Variants in DCLRE1B observed in about 807,000 individuals in gnomAD.
The protein encoded by DCLRE1B is 5' exonuclease Apollo.
Under a neutral mutation model 19.8 loss-of-function variants are expected in DCLRE1B, and 6 were observed. The ratio of observed to expected loss-of-function variants is 0.30; its 90% CI spans 0.17 to 0.60. DCLRE1B has a LOEUF of 0.60. Among genes scored for constraint, DCLRE1B ranks in the 20% least tolerant of loss-of-function variants. The pLI is 0.87. For synonymous variants in DCLRE1B, 258 were observed against 255.7 expected (o/e 1.01, Z -0.09); for missense variants, 622 against 654.2 (o/e 0.95, Z 0.54).
At chr1:113,907,196 G>C in intron 2 of DCLRE1B, 35 bp downstream of exon 2, 8 of 456,938 alleles carry the variant, frequency 1.8e-5, no homozygotes, top group East Asian at 3.7e-5. Context: ...GACTTCTCCA[G>C]ACTAGATGTT....
At chr1:113,905,047 C>G (rs1668816394), upstream of DCLRE1B, 13 of 402,546 alleles carry the variant, frequency 3.2e-5, no homozygotes, top group Non-Finnish European at 6.1e-5. Context: ...ACCCCTCCCT[C>G]TCCAGTTCCA....
intron 3 of DCLRE1B, among the ~76,000 whole-genome samples, chr1:113,908,998 T>C (rs1011277780): frequency 6.6e-6 from 1 of 152,222 alleles, no homozygotes; most frequent in African/African-American, 2.4e-5. Flanking sequence ...CCAAGAGCTA[T>C]TGAAGGATTT....
chr1:113,904,761 C>T (rs756910419), upstream of DCLRE1B: 25 of 1,519,968 alleles, frequency 1.6e-5, no homozygotes, highest in South Asian at 6.7e-5. Flanking sequence ...CCCACGGTAA[C>T]TCGAGGGCTC....
chr1:113,904,764 G>A (rs372091501), upstream of DCLRE1B: 3 of 1,511,994 alleles, frequency 2.0e-6, no homozygotes, highest in Non-Finnish European at 1.8e-6. Context: ...ACGGTAACTC[G>A]AGGGCTCCTT....
chr1:113,908,872 T>A (rs997921493), intron 3 of DCLRE1B, among the ~76,000 whole-genome samples: 1 of 152,070 alleles, frequency 6.6e-6, no homozygotes, highest in African/African-American at 2.4e-5. Context: ...ACTTTGTGTG[T>A]TTGTGGAACA....
At position 113,911,724 on chromosome 1, in the gene DCLRE1B, CTT is replaced by C; in HGVS notation, c.1134_1135del (p.Pro380LeufsTer6). Reference protein sequence around the residue: ...RDSKKAKKEKLSPWPADLEKQ... With the variant: ...RDSKKAKKEKXSPWPADLEKQ... ...CTCAAAGAAGGCCAAGAAAGAGAAA[CTT>C]TCTCCCTGGCCTGCGGACCTTGAAA... On this transcript the variant is annotated frameshift_variant, in exon 4 of 4. Transcript: ENST00000650450. LOFTEE classifies it low-confidence loss of function (END_TRUNC). 1 of 1,614,156 alleles carries C rather than the reference CTT, an allele frequency of 6.2e-7. No homozygotes were observed. The highest frequency in any genetic ancestry group is 8.5e-7 in the Non-Finnish European group (1 of 1,180,032).
Position 113,908,060 on chromosome 1 carries a change from G to A in DCLRE1B, c.407G>A (p.Gly136Glu), listed in dbSNP as rs1415845136. ...CTAAAGGAGCCAGCCCTGACACTGGGGAAACAGATCCATACTTTATACCTA... is the reference window on the plus strand; with the variant it reads ...CTAAAGGAGCCAGCCCTGACACTGGAGAAACAGATCCATACTTTATACCTA... ...SMLKEPALTL[G>E]KQIHTLYLDN... Residue 136 changes from glycine (G) to glutamate (E), a missense_variant, in exon 3 of 4, where the codon GGG becomes GAG. Physicochemically the swap from Gly to Glu is moderately conservative, Grantham distance 98 (BLOSUM62 -2). Around this residue, in one of 3 missense-constraint regions of DCLRE1B, gnomAD observed 237 missense variants for 223.8 expected, o/e 1.06. Coordinates refer to ENST00000650450, the MANE Select transcript of DCLRE1B (RefSeq NM_022836.4). 2 of 1,614,100 alleles carry A rather than the reference G, an allele frequency of 1.2e-6. No homozygotes were observed. The highest frequency in any genetic ancestry group is 3.3e-4 in the Middle Eastern group (2 of 6,062).
chr1:113,907,925 G>A (rs551816497), intron 2 of DCLRE1B, 84 bp from the exon 3 acceptor site: 33 of 1,457,296 alleles, frequency 2.3e-5, no homozygotes, highest in Admixed American at 1.3e-4. Flanking sequence ...GTAAGCAAAC[G>A]CCTGTCTATT....
At chr1:113,908,267 G>C in intron 3 of DCLRE1B, 76 bp downstream of exon 3, 1 of 1,542,886 alleles carries the variant, frequency 6.5e-7, no homozygotes, top group Non-Finnish European at 8.8e-7. Flanking sequence ...ACATCTTTCA[G>C]ATCTTTGTGC....
chr1:113,908,729 A>G (rs1309685194), intron 3 of DCLRE1B, among the ~76,000 whole-genome samples: 2 of 152,116 alleles, frequency 1.3e-5, no homozygotes, highest in Non-Finnish European at 2.9e-5. Context: ...CTCATATACT[A>G]TATATATTTT....
At chr1:113,905,140 G>A, upstream of DCLRE1B, 1 of 351,140 alleles carries the variant, frequency 2.8e-6, no homozygotes, top group Non-Finnish European at 5.4e-6. Flanking sequence ...CTTGTCAAGA[G>A]ACCAAACAGA....
chr1:113,911,052 T>G, intron 3 of DCLRE1B, 79 bp from the exon 4 acceptor site: 4 of 1,339,004 alleles, frequency 3.0e-6, no homozygotes, highest in Non-Finnish European at 4.1e-6. Flanking sequence ...GTTAAACATT[T>G]TGTTGATTTA....
chr1:113,905,327 CT>C lies in DCLRE1B; in HGVS notation c.-257del, dbSNP rs1412653837. 2 of 494,630 alleles carry C rather than the reference CT, an allele frequency of 4.0e-6. No homozygotes were observed. The highest frequency in any genetic ancestry group is 7.2e-6 in the Non-Finnish European group (2 of 279,194). 30.6% of individuals were successfully genotyped at this position (494,630 alleles called of 1,614,324 possible). On this transcript the variant is annotated 5_prime_UTR_variant, in exon 1 of 4. Coordinates refer to ENST00000650450, the MANE Select transcript of DCLRE1B (RefSeq NM_022836.4). ...GCCTGTCTCCTCCCTGCAGCGCGCG[CT>C]TTGAGTGCCCGGCTCGGCCTCCGCT...
At position 113,907,173 on chromosome 1, in the gene DCLRE1B, A is replaced by G. The variant is rs1351241865; in HGVS notation, c.355+12A>G. 2 of 1,485,296 alleles carry G rather than the reference A, an allele frequency of 1.3e-6. No individual in the cohort carries two copies. The highest frequency in any genetic ancestry group is 1.6e-5 in the African/African-American group (1 of 62,518). 92.0% of individuals were successfully genotyped at this position (1,485,296 alleles called of 1,614,324 possible). A position where few individuals can be genotyped will look rare whatever the true frequency, so the allele number is the denominator to read the frequency against. On this transcript the variant is annotated intron_variant, in intron 2 of 3. Transcript: ENST00000650450. ...CATCCTCTACACAGGTGGGCCTCTCAAGGAATCCCAGTGACTTCTCCAGAC... is the reference window on the plus strand; with the variant it reads ...CATCCTCTACACAGGTGGGCCTCTCGAGGAATCCCAGTGACTTCTCCAGAC...
At chr1:113,907,663 G>A (rs1372769426) in intron 2 of DCLRE1B, among the ~76,000 whole-genome samples, 7 of 151,958 alleles carry the variant, frequency 4.6e-5, no homozygotes, top group Non-Finnish European at 1.0e-4. Context: ...TAGTAGAGAC[G>A]GGGTTTCACC....
intron 3 of DCLRE1B, 146 bp downstream of exon 3, chr1:113,908,337 G>A (rs1669119694): frequency 4.7e-5 from 54 of 1,140,834 alleles, no homozygotes; most frequent in Non-Finnish European, 6.3e-5. Context: ...GCTAGGTGTG[G>A]TGGTTCATGC....
intron 1 of DCLRE1B, among the ~76,000 whole-genome samples, chr1:113,906,254 C>T (rs1280424102): frequency 1.3e-5 from 2 of 151,206 alleles, no homozygotes; most frequent in African/African-American, 4.9e-5. Context: ...GACGGGGTTT[C>T]ACCATGTTGG....
chr1:113,912,309 CT>C lies in DCLRE1B; in HGVS notation c.*120del. 1 of 1,040,408 alleles carries C rather than the reference CT, an allele frequency of 9.6e-7. No homozygotes were observed. Among genetic ancestry groups the C allele is most frequent in the Non-Finnish European group, 1.4e-6 (1 of 737,982 alleles). The allele number at this position is 1,040,408 out of a possible 1,614,324, so 64.4% of individuals were successfully genotyped here. A position where few individuals can be genotyped will look rare whatever the true frequency, so the allele number is the denominator to read the frequency against. On this transcript the variant is annotated 3_prime_UTR_variant, in exon 4 of 4. Transcript: ENST00000650450. ...CCTACTTTTCTATCTTTACAAGACT[CT>C]TATGGGCCCACCGTGGAGCAGCACT...
chr1:113,906,301 G>C (rs919314185), intron 1 of DCLRE1B, among the ~76,000 whole-genome samples: 1 of 150,918 alleles, frequency 6.6e-6, no homozygotes, highest in Non-Finnish European at 1.5e-5. Flanking sequence ...TAAGTGATCC[G>C]CCCGCCTCAG....
Sources: gnomAD v4.1 joint callset for allele counts (sites outside exome capture counted in the v4.1 genomes callset) on GRCh38, gnomAD v4.1.1 for gene constraint, gnomAD v4.1.1 regional missense constraint, MANE v1.5 for transcripts, NCBI Gene and HGNC (gene_info 2026-07-23, HGNC 2026-07-21) for gene names.